Variants in GCNT4 observed in about 807,000 individuals in gnomAD.
GCNT4 encodes glucosaminyl (N-acetyl) transferase 4, also known as beta-1,3-galactosyl-O-glycosyl-glycoprotein beta-1,6-N-acetylglucosaminyltransferase 4.
A neutral mutation model predicts 31.3 loss-of-function variants in GCNT4; 17 were observed. The observed-to-expected ratio is 0.54, with a 90% CI of 0.37 to 0.81. The LOEUF is 0.81. GCNT4 is among the 40% of genes least tolerant of loss of function. The pLI is 0.00. For missense variants in GCNT4, 503 were observed against 525.5 expected, an observed-to-expected ratio of 0.96 and a Z score of 0.42; for synonymous variants, 158 against 190.6, an observed-to-expected ratio of 0.83 and a Z score of 1.41.
chr5:75,041,508 A>G (rs1317956898), intron 3 of GCNT4, among the ~76,000 whole-genome samples: 1 of 152,234 alleles, frequency 6.6e-6, no homozygotes, highest in Non-Finnish European at 1.5e-5. Context: ...AAATAATTCT[A>G]TCAACCACCT....
chr5:75,053,310 T>C (rs575259567), upstream of GCNT4, among the ~76,000 whole-genome samples: 3 of 151,960 alleles, frequency 2.0e-5, no homozygotes, highest in South Asian at 6.2e-4. Context: ...AGGCCGGGGT[T>C]CAGCCCGGTT....
chr5:75,020,818 T>C (rs1742873060), downstream of GCNT4, among the ~76,000 whole-genome samples: 1 of 152,194 alleles, frequency 6.6e-6, no homozygotes, highest in African/African-American at 2.4e-5. Context: ...TCTAGAATTA[T>C]TTTAAAATAT....
chr5:75,028,777 T>G lies in GCNT4; in HGVS notation c.1261A>C (p.Ile421Leu), dbSNP rs1339942847. 1.2e-6 allele frequency: 2 copies of G among 1,614,072 alleles called. No homozygotes were observed. The change falls in exon 4 of 4, where the codon ATT becomes CTT. Residue 421 changes from isoleucine to leucine, a missense_variant. Coordinates refer to ENST00000652361, the MANE Select transcript of GCNT4 (RefSeq NM_001366737.1). Reference protein sequence around the residue: ...KFDSKVDPILIKCLAEKLEEQ... With the variant: ...KFDSKVDPILLKCLAEKLEEQ... ...TCAAGCTTTTCTGCCAAGCATTTAA[T>G]CAAGATAGGGTCCACCTTAGAATCA...
chr5:75,029,955 A>G lies in GCNT4; in HGVS notation c.83T>C (p.Leu28Ser), dbSNP rs775283474. The G allele has an allele frequency of 6.2e-7, 1 of 1,614,084 alleles. No individual in the cohort carries two copies. Among genetic ancestry groups the G allele is most frequent in the Admixed American group, 1.7e-5 (1 of 60,022 alleles). ...TCGTCTCACATTTAGAAGCTTTAAC[A>G]AAGAGAGCAGCCATAGGGTTAAAAA... ...ILFLTLWLLS[L>S]LKLLNVRRLF... is the part of the protein sequence containing the mutation. The change falls in exon 4 of 4, where the codon TTG becomes TCG. Residue 28 changes from leucine (L) to serine (S), a missense_variant. Leu to Ser is a moderately radical substitution (Grantham distance 145). Transcript: ENST00000652361.
rs965303067 is a variant in GCNT4 at position 75,027,245 on chromosome 5, C to A, written c.*1431G>T. The stretch of plus-strand genomic sequence containing the variant: ...ACCCCATTTTACTTCCAGAACAATT[C>A]CATTATATATATAATATATATTCAT... On this transcript the variant is annotated 3_prime_UTR_variant, in exon 4 of 4. Transcript: ENST00000652361. 7 of 141,612 alleles carry A rather than the reference C, an allele frequency of 4.9e-5. No homozygotes were observed. The Admixed American group carries it at 5.1e-4, about 10-fold the overall frequency. The allele number at this position is 141,612 out of a possible 1,614,324, so 8.8% of individuals were successfully genotyped here.
At chr5:75,052,075 T>A (rs1743583118) in intron 2 of GCNT4, 94 bp downstream of exon 2, 1 of 152,112 alleles carries the variant, frequency 6.6e-6, no homozygotes, top group South Asian at 2.1e-4. Context: ...CAGAATGAAC[T>A]GTTAGTTTCT....
chr5:75,020,576 C>A (rs1186627153), downstream of GCNT4, among the ~76,000 whole-genome samples: 2 of 151,982 alleles, frequency 1.3e-5, no homozygotes, highest in Non-Finnish European at 2.9e-5. Flanking sequence ...TACTTACAGC[C>A]CCCCGAGTGT....
Position 75,029,780 on chromosome 5 carries a change from C to A in GCNT4, c.258G>T (p.Lys86Asn). Residue 86 changes from lysine to asparagine, a missense_variant, in exon 4 of 4, where the codon AAG becomes AAT. Physicochemically the swap from Lys to Asn is moderately conservative, Grantham distance 94. Coordinates refer to ENST00000652361, the MANE Select transcript of GCNT4 (RefSeq NM_001366737.1). Reference sequence around the variant, plus strand: ...TGTCCCTTCTTCTTATTTCCAGACTCTTTCCAATTTCCAAAGGCTCCTGTT... The same window carrying A: ...TGTCCCTTCTTCTTATTTCCAGACTATTTCCAATTTCCAAAGGCTCCTGTT... ...IYEQEPLEIGKSLEIRRRDII... is the reference protein window; with the variant it reads ...IYEQEPLEIGNSLEIRRRDII... 1 of 1,614,174 alleles carries A rather than the reference C, an allele frequency of 6.2e-7. No individual in the cohort carries two copies. The highest frequency in any genetic ancestry group is 8.5e-7 in the Non-Finnish European group (1 of 1,180,018).
In GCNT4 at chr5:75,028,536, T is replaced by C. The variant is rs995558858; in HGVS notation, c.*140A>G. On this transcript the variant is annotated 3_prime_UTR_variant, in exon 4 of 4. Coordinates refer to ENST00000652361, the MANE Select transcript of GCNT4 (RefSeq NM_001366737.1). ...CTAATAACATCAAAGGCTAGATCAC[T>C]TTCCCTTGTGTATGGAATTTTGGAC... The C allele has an allele frequency of 1.5e-5, 12 of 783,604 alleles. No homozygotes were observed. Among genetic ancestry groups the C allele is most frequent in the African/African-American group, 3.5e-5 (2 of 56,728 alleles). The allele number at this position is 783,604 out of a possible 1,614,324, so 48.5% of individuals were successfully genotyped here. A position where few individuals can be genotyped will look rare whatever the true frequency, so the allele number is the denominator to read the frequency against.
chr5:75,037,819 A>G (rs2149964380), intron 3 of GCNT4, among the ~76,000 whole-genome samples: 1 of 152,208 alleles, frequency 6.6e-6, no homozygotes, highest in Non-Finnish European at 1.5e-5. Flanking sequence ...TGGAGGTTGC[A>G]GTGAGCTGAG....
intron 3 of GCNT4, among the ~76,000 whole-genome samples, chr5:75,042,593 C>T (rs768439185): frequency 2.0e-5 from 3 of 152,174 alleles, no homozygotes; most frequent in Non-Finnish European, 4.4e-5. Flanking sequence ...GTATTGATGT[C>T]AGAAATGGCT....
intron 3 of GCNT4, among the ~76,000 whole-genome samples, chr5:75,035,764 T>C (rs752138659): frequency 5.3e-5 from 8 of 152,204 alleles, no homozygotes; most frequent in Non-Finnish European, 1.2e-4. Flanking sequence ...CCGCCATCTT[T>C]GCTGTTTTGC....
intron 3 of GCNT4, among the ~76,000 whole-genome samples, chr5:75,047,482 C>T (rs1006009535): frequency 6.6e-6 from 1 of 152,026 alleles, no homozygotes; most frequent in African/African-American, 2.4e-5. Flanking sequence ...TGGTTTAAGG[C>T]TGGAATTTCA....
chr5:75,030,587 C>A (rs1318037405), intron 3 of GCNT4: 1 of 167,162 alleles, frequency 6.0e-6, no homozygotes, highest in Non-Finnish European at 1.5e-5. Context: ...GTATTAGAGA[C>A]TGTAAAATGT....
intron 3 of GCNT4, among the ~76,000 whole-genome samples, chr5:75,042,424 T>C (rs1743341676): frequency 6.6e-6 from 1 of 152,228 alleles, no homozygotes; most frequent in Non-Finnish European, 1.5e-5. Flanking sequence ...TGGTATTATA[T>C]GGCTAACTCC....
chr5:75,029,526 G>T lies in GCNT4; in HGVS notation c.512C>A (p.Thr171Asn). Residue 171 changes from threonine (T) to asparagine (N), a missense_variant, in exon 4 of 4, where the codon ACC becomes AAC. Thr to Asn is a moderately conservative substitution (Grantham distance 65, BLOSUM62 0). Coordinates refer to ENST00000652361, the MANE Select transcript of GCNT4 (RefSeq NM_001366737.1). ...CIHYDRKAPDTFKVAMNNLAK... is the reference protein window; with the variant it reads ...CIHYDRKAPDNFKVAMNNLAK... ...TAAATTGTTCATGGCAACTTTGAAG[G>T]TATCAGGTGCCTTACGATCATAATG... 6.2e-7 allele frequency: 1 copy of T among 1,614,110 alleles called. No homozygotes were observed. The highest frequency in any genetic ancestry group is 1.3e-5 in the African/African-American group (1 of 75,060).
chr5:75,041,059 G>A (rs957553105), intron 3 of GCNT4, among the ~76,000 whole-genome samples: 1 of 152,136 alleles, frequency 6.6e-6, no homozygotes, highest in Non-Finnish European at 1.5e-5. Flanking sequence ...GGCTAAACGC[G>A]GTCTGTAAGT....
chr5:75,028,683 G>A lies in GCNT4; in HGVS notation c.1355C>T (p.Thr452Ile). 1 of 1,610,138 alleles carries A rather than the reference G, an allele frequency of 6.2e-7. No homozygotes were observed. Among genetic ancestry groups the A allele is most frequent in the Non-Finnish European group, 8.5e-7 (1 of 1,178,270 alleles). The change falls in exon 4 of 4, where the codon ACA becomes ATA. Residue 452 changes from threonine (T) to isoleucine (I), a missense_variant. Thr to Ile is a moderately conservative substitution (Grantham distance 89, BLOSUM62 -1). Coordinates refer to ENST00000652361, the MANE Select transcript of GCNT4 (RefSeq NM_001366737.1). ...TCCATCCTGATTTTACTATCATGAT[G>A]TGGTAGTGAGATTTCTATCCATAAA... ...KLFMDRNLTT[T>I]S
At chr5:75,020,172 A>T in the GCNT4 span, among the ~76,000 whole-genome samples, 2 of 152,306 alleles carry the variant, frequency 1.3e-5, no homozygotes, top group African/African-American at 2.4e-5. Context: ...CACTTGTTAT[A>T]TAACCTGTTT....
Sources: allele counts gnomAD v4.1 joint callset (sites outside exome capture counted in the v4.1 genomes callset), GRCh38; gene constraint gnomAD v4.1.1; transcripts MANE v1.5; gene names NCBI Gene and HGNC (gene_info 2026-07-23, HGNC 2026-07-21).